VPS13B: variants seen among roughly 807,000 people sequenced by gnomAD.
The protein encoded by VPS13B is vacuolar protein sorting 13 homolog B, also known as intermembrane lipid transfer protein VPS13B.
A neutral mutation model predicts 426.4 loss-of-function variants in VPS13B; 285 were observed. The observed-to-expected ratio is 0.67, with a 90% CI of 0.61 to 0.74. VPS13B has a LOEUF of 0.74. Ranked by LOEUF, VPS13B falls within the 30% of genes least tolerant of loss-of-function variation. The pLI is 0.00. For missense variants in VPS13B, 4,537 were observed against 4,782.6 expected (o/e 0.95, Z 1.51); for synonymous variants, 1,676 against 1,676.4 (o/e 1.00, Z 0.01).
chr8:99,711,702 A>C (rs1832715924), intron 36 of VPS13B, among the ~76,000 whole-genome samples: 1 of 152,192 alleles, frequency 6.6e-6, no homozygotes, highest in African/African-American at 2.4e-5. Flanking sequence ...CAATATTAGA[A>C]ATGTTCTGGG....
chr8:99,742,703 A>G (rs1809812066), intron 39 of VPS13B, among the ~76,000 whole-genome samples: 1 of 152,222 alleles, frequency 6.6e-6, no homozygotes, highest in Non-Finnish European at 1.5e-5. Flanking sequence ...TCCAGCATAT[A>G]AACAGTACCA....
chr8:99,354,754 G>A (rs553894287), intron 19 of VPS13B, among the ~76,000 whole-genome samples: 15 of 151,970 alleles, frequency 9.9e-5, no homozygotes, highest in African/African-American at 2.4e-4. Flanking sequence ...TCTTTGTCTC[G>A]CTGTATTGCC....
At chr8:99,624,231 T>C (rs1356647644) in intron 33 of VPS13B, among the ~76,000 whole-genome samples, 1 of 151,920 alleles carries the variant, frequency 6.6e-6, no homozygotes, top group Non-Finnish European at 1.5e-5. Flanking sequence ...CATTTTTTCT[T>C]TTGATGTAGT....
chr8:99,166,697 A>C (rs1343215610), intron 15 of VPS13B, among the ~76,000 whole-genome samples: 2 of 152,164 alleles, frequency 1.3e-5, no homozygotes, highest in African/African-American at 4.8e-5. Flanking sequence ...GTCTTTTTTC[A>C]GAAGTAGAAA....
In VPS13B at chr8:99,102,956, A is replaced by T. The variant is rs1226944454; in HGVS notation, c.416A>T (p.Tyr139Phe). ...APTDPDLPPG[Y>F]VQSLIRRVVN... ...ATTCTTTTTTTCTATTTTATAGGTT[A>T]TGTGCAGAGTCTGATTAGACGAGTT... Residue 139 changes from tyrosine (Y) to phenylalanine (F), a missense_variant, in exon 5 of 62, where the codon TAT (tyrosine) becomes TTT (phenylalanine). Physicochemically the swap from Tyr to Phe is conservative, Grantham distance 22. This residue lies in a region of VPS13B where 226 missense variants were observed against 308.3 expected (regional missense o/e 0.73). Coordinates refer to ENST00000357162, the MANE Select transcript of VPS13B (RefSeq NM_152564.5). 1.2e-6 allele frequency: 2 copies of T among 1,601,574 alleles called. No individual in the cohort carries two copies. The highest frequency in any genetic ancestry group is 1.7e-6 in the Non-Finnish European group (2 of 1,169,272).
chr8:99,442,587 C>A lies in VPS13B; in HGVS notation c.3397C>A (p.Pro1133Thr), dbSNP rs781781537. The A allele has an allele frequency of 3.1e-6, 5 of 1,613,934 alleles. No individual in the cohort carries two copies. The Middle Eastern group carries it at 4.9e-4, about 160-fold the overall frequency. The change falls in exon 23 of 62, where the codon CCT becomes ACT. Residue 1133 changes from proline to threonine, a missense_variant. Pro to Thr is a conservative substitution (Grantham distance 38). Transcript: ENST00000357162. ...IISAGHKYME[P>T]LQEIPFVIPR... is the part of the protein sequence containing the mutation. The stretch of plus-strand genomic sequence containing the variant: ...TAGTGCTGGGCACAAGTATATGGAA[C>A]CTCTGCAGGAGATTCCATTTGTTAT...
At chr8:99,670,436 G>C (rs1213187126) in intron 35 of VPS13B, among the ~76,000 whole-genome samples, 2 of 152,006 alleles carry the variant, frequency 1.3e-5, no homozygotes, top group Non-Finnish European at 2.9e-5. Flanking sequence ...CCATATTCAA[G>C]CTAATTAATA....
intron 29 of VPS13B, among the ~76,000 whole-genome samples, chr8:99,512,075 G>A (rs1215560816): frequency 6.6e-6 from 1 of 152,154 alleles, no homozygotes; most frequent in Admixed American, 6.5e-5. Context: ...ACCTTATAGT[G>A]CTTAATTACC....
chr8:99,871,007 C>A, intron 60 of VPS13B, 120 bp downstream of exon 60: 1 of 1,001,910 alleles, frequency 1.0e-6, no homozygotes, highest in Non-Finnish European at 1.5e-6. Context: ...ATTGTTGGCA[C>A]TGGCATCTCA....
chr8:99,362,705 C>A (rs1036181074), intron 19 of VPS13B, among the ~76,000 whole-genome samples: 1 of 152,192 alleles, frequency 6.6e-6, no homozygotes, highest in Admixed American at 6.5e-5. Flanking sequence ...TTTTAAAAAT[C>A]TGTTCATCTG....
In VPS13B at chr8:99,501,705, G is replaced by A. The variant is rs762049347; in HGVS notation, c.3889G>A (p.Gly1297Ser). ...ATCCCAGGGAGATTCTATACAAGCA[G>A]GTGAGGAATCACCATTCTCAGATTC... Reference protein sequence around the residue: ...TTTEGDSIQAGEESPFSDSVT... With the variant: ...TTTEGDSIQASEESPFSDSVT... Residue 1297 changes from glycine (G) to serine (S), a missense_variant, in exon 26 of 62, where the codon GGT becomes AGT. Gly to Ser is a moderately conservative substitution (Grantham distance 56). Around this residue, in one of 2 missense-constraint regions of VPS13B, gnomAD observed 4,311 missense variants for 4,474.3 expected, o/e 0.96. Coordinates refer to ENST00000357162, the MANE Select transcript of VPS13B (RefSeq NM_152564.5). 3 of 1,613,850 alleles carry A rather than the reference G, an allele frequency of 1.9e-6. No individual in the cohort carries two copies. Among genetic ancestry groups the A allele is most frequent in the Non-Finnish European group, 2.5e-6 (3 of 1,179,946 alleles).
At chr8:99,261,870 T>C (rs926107321) in intron 17 of VPS13B, among the ~76,000 whole-genome samples, 1 of 152,202 alleles carries the variant, frequency 6.6e-6, no homozygotes, top group African/African-American at 2.4e-5. Flanking sequence ...TTATTTCATA[T>C]TAAGAATTAT....
At chr8:99,303,469 G>T (rs186836475) in intron 19 of VPS13B, among the ~76,000 whole-genome samples, 25 of 151,634 alleles carry the variant, frequency 1.6e-4, no homozygotes, top group African/African-American at 5.8e-4. Flanking sequence ...TAAGAATGAA[G>T]AATGTTTTAA....
intron 19 of VPS13B, among the ~76,000 whole-genome samples, chr8:99,280,690 T>A (rs527813528): frequency 7.0e-4 from 107 of 152,186 alleles, no homozygotes; most frequent in Non-Finnish European, 1.3e-3. Context: ...AGAGAAAATA[T>A]CTACCAATAT....
intron 25 of VPS13B, among the ~76,000 whole-genome samples, chr8:99,498,525 TATA>T (rs1821052293): frequency 6.6e-6 from 1 of 151,194 alleles, no homozygotes; most frequent in African/African-American, 2.4e-5. Context: ...GAACTTAAAG[TATA>T]ATAATAAAAA....
intron 30 of VPS13B, among the ~76,000 whole-genome samples, chr8:99,538,609 T>A (rs1823389290): frequency 6.6e-6 from 1 of 152,198 alleles, no homozygotes; most frequent in East Asian, 1.9e-4. Flanking sequence ...TTTTTGGTAT[T>A]TGCCTTCTGT....
At chr8:99,364,555 C>T (rs1232999694) in intron 19 of VPS13B, among the ~76,000 whole-genome samples, 1 of 152,116 alleles carries the variant, frequency 6.6e-6, no homozygotes, top group African/African-American at 2.4e-5. Flanking sequence ...ACCTCAGCTT[C>T]CCAAGTAGCT....
At chr8:99,868,110 A>G in intron 58 of VPS13B, 179 bp from the exon 59 acceptor site, 1 of 702,590 alleles carries the variant, frequency 1.4e-6, no homozygotes, top group Non-Finnish European at 2.4e-6. Flanking sequence ...TGATGACGAT[A>G]ATAAATGTCT....
At chr8:99,754,962 G>A (rs1810566984) in intron 39 of VPS13B, among the ~76,000 whole-genome samples, 1 of 152,100 alleles carries the variant, frequency 6.6e-6, no homozygotes, top group African/African-American at 2.4e-5. Flanking sequence ...TAGTTTTAAA[G>A]TTGCTTGAGG....
Sources: allele counts gnomAD v4.1 joint callset (sites outside exome capture counted in the v4.1 genomes callset), GRCh38; gene constraint gnomAD v4.1.1; regional missense constraint gnomAD v4.1.1; transcripts MANE v1.5; gene names NCBI Gene and HGNC (gene_info 2026-07-23, HGNC 2026-07-21).